Variants in NTM observed in about 807,000 individuals in gnomAD.
NTM encodes neurotrimin, also known as IgLON family member 2.
In NTM, 13 loss-of-function variants were observed where a neutral mutation model predicts 42.1. That is an observed-to-expected ratio of 0.31 (90% CI 0.20 to 0.49). The LOEUF is 0.49. Ranked by LOEUF, NTM falls within the 20% of genes least tolerant of loss-of-function variation. The pLI, the probability that NTM is intolerant of heterozygous loss-of-function variation, is 0.99. For missense variants in NTM, 373 were observed against 452.8 expected, an observed-to-expected ratio of 0.82 and a Z score of 1.60; for synonymous variants, 187 against 179.2, an observed-to-expected ratio of 1.04 and a Z score of -0.35.
chr11:131,644,418 T>C (rs2065518424), intron 1 of NTM, among the ~76,000 whole-genome samples: 1 of 152,160 alleles, frequency 6.6e-6, no homozygotes, highest in Admixed American at 6.5e-5. Context: ...TCCCATTCTG[T>C]TCTTTTGATT....
At chr11:131,725,901 C>G (rs773968035) in intron 1 of NTM, among the ~76,000 whole-genome samples, 2 of 152,126 alleles carry the variant, frequency 1.3e-5, no homozygotes, top group Non-Finnish European at 2.9e-5. Flanking sequence ...TGAGGCCTCT[C>G]GCTAGATTCA....
intron 1 of NTM, among the ~76,000 whole-genome samples, chr11:131,702,868 G>T (rs1159408957): frequency 6.6e-6 from 1 of 152,180 alleles, no homozygotes; most frequent in African/African-American, 2.4e-5. Context: ...TAAACGGTGA[G>T]TTTTAGGCAT....
At chr11:131,911,105 C>A in intron 1 of NTM, 5 of 1,191,540 alleles carry the variant, frequency 4.2e-6, no homozygotes, top group Non-Finnish European at 5.3e-6. Context: ...TACCAAAGTG[C>A]TTACTCCTCT....
At chr11:132,241,277 T>G (rs1032930917) in intron 4 of NTM, among the ~76,000 whole-genome samples, 33 of 152,234 alleles carry the variant, frequency 2.2e-4, no homozygotes, top group African/African-American at 7.7e-4. Flanking sequence ...TATATGTATT[T>G]CATATATAAC....
chr11:132,245,683 A>G (rs1215811384), intron 4 of NTM, among the ~76,000 whole-genome samples: 3 of 152,040 alleles, frequency 2.0e-5, no homozygotes, highest in Admixed American at 6.5e-5. Context: ...AATGTTTCCC[A>G]CTGCCAGCTG....
At chr11:132,075,955 G>T (rs1231711719) in intron 2 of NTM, among the ~76,000 whole-genome samples, 1 of 152,114 alleles carries the variant, frequency 6.6e-6, no homozygotes, top group Non-Finnish European at 1.5e-5. Flanking sequence ...GGTAAATGTC[G>T]ACAGCATTGG....
At chr11:131,999,175 G>A (rs976284819) in intron 2 of NTM, among the ~76,000 whole-genome samples, 1 of 152,154 alleles carries the variant, frequency 6.6e-6, no homozygotes, top group African/African-American at 2.4e-5. Flanking sequence ...CAGAAGCAAG[G>A]AGGGGTCCCT....
intron 2 of NTM, among the ~76,000 whole-genome samples, chr11:132,008,113 T>G (rs1413517536): frequency 1.3e-5 from 2 of 152,170 alleles, no homozygotes; most frequent in African/African-American, 4.8e-5. Context: ...GGGGGCACAG[T>G]GTGACTAAGC....
intron 1 of NTM, among the ~76,000 whole-genome samples, chr11:131,886,671 G>A (rs1267520798): frequency 1.3e-5 from 2 of 152,314 alleles, no homozygotes; most frequent in African/African-American, 4.8e-5. Context: ...TAGAGATTCA[G>A]GTGAGATCCC....
chr11:131,972,657 C>T (rs1416678570), intron 2 of NTM, among the ~76,000 whole-genome samples: 1 of 152,090 alleles, frequency 6.6e-6, no homozygotes, highest in Non-Finnish European at 1.5e-5. Flanking sequence ...CTCCACATTG[C>T]TTTTCTGTTC....
chr11:131,594,423 T>C (rs951073575), intron 1 of NTM, among the ~76,000 whole-genome samples: 3 of 152,052 alleles, frequency 2.0e-5, no homozygotes, highest in African/African-American at 7.2e-5. Context: ...TAAGACAGGG[T>C]CTTGCTCTGT....
At chr11:132,091,786 G>A (rs1447667657) in intron 2 of NTM, among the ~76,000 whole-genome samples, 1 of 152,082 alleles carries the variant, frequency 6.6e-6, no homozygotes, top group African/African-American at 2.4e-5. Context: ...CCAGTCCCAC[G>A]TGTTTTTATT....
intron 2 of NTM, among the ~76,000 whole-genome samples, chr11:132,133,422 C>T (rs1349129325): frequency 6.6e-6 from 1 of 152,212 alleles, no homozygotes; most frequent in African/African-American, 2.4e-5. Flanking sequence ...ATAGGAGGTG[C>T]TCAATGAACA....
chr11:131,585,682 C>T (rs2058793556), intron 1 of NTM, among the ~76,000 whole-genome samples: 2 of 152,166 alleles, frequency 1.3e-5, no homozygotes, highest in Admixed American at 1.3e-4. Flanking sequence ...TTTCATGCCT[C>T]TATGTAGGGC....
At chr11:131,444,937 T>C (rs1253346181) in intron 1 of NTM, among the ~76,000 whole-genome samples, 3 of 152,200 alleles carry the variant, frequency 2.0e-5, no homozygotes, top group African/African-American at 4.8e-5. Flanking sequence ...AAGGGGTACG[T>C]ATCAAATCAG....
At chr11:131,795,982 T>A in intron 1 of NTM, 1 of 984,938 alleles carries the variant, frequency 1.0e-6, no homozygotes. Context: ...GGGAAAAAGG[T>A]GTTTCAGATT....
intron 4 of NTM, among the ~76,000 whole-genome samples, chr11:132,253,429 A>G (rs1488449019): frequency 7.1e-6 from 1 of 141,320 alleles, no homozygotes; most frequent in East Asian, 2.0e-4. Context: ...ATCACACTAT[A>G]CCCATTATGA....
intron 1 of NTM, chr11:131,795,474 C>G: frequency 1.0e-6 from 1 of 985,354 alleles, no homozygotes; most frequent in Non-Finnish European, 1.2e-6. Flanking sequence ...GGAAATGATA[C>G]CTGGTTGCCT....
At chr11:132,178,147 G>A (rs889037066) in intron 3 of NTM, among the ~76,000 whole-genome samples, 1 of 152,184 alleles carries the variant, frequency 6.6e-6, no homozygotes, top group Non-Finnish European at 1.5e-5. Context: ...AGTCCAACCT[G>A]TCTCCTTACA....
Sources: gnomAD v4.1 joint callset for allele counts (sites outside exome capture counted in the v4.1 genomes callset) on GRCh38, gnomAD v4.1.1 for gene constraint, MANE v1.5 for transcripts, NCBI Gene and HGNC (gene_info 2026-07-23, HGNC 2026-07-21) for gene names.